Variants in PITPNA observed in about 807,000 individuals in gnomAD.
The protein encoded by PITPNA is phosphatidylinositol transfer protein alpha isoform.
Under a neutral mutation model 50.3 loss-of-function variants are expected in PITPNA, and 13 were observed. The observed-to-expected ratio is 0.26, with a 90% confidence interval of 0.17 to 0.41. The LOEUF is 0.41. PITPNA is among the 10% of genes least tolerant of loss of function. The pLI is 1.00. For missense variants in PITPNA, 207 were observed against 333.4 expected (o/e 0.62, Z 2.95); for synonymous variants, 120 against 119.6 (o/e 1.00, Z -0.02).
intron 1 of PITPNA, among the ~76,000 whole-genome samples, chr17:1,560,703 C>G (rs1335241799): frequency 6.6e-6 from 1 of 152,206 alleles, no homozygotes; most frequent in Non-Finnish European, 1.5e-5. Context: ...GCCTGTCAGT[C>G]TGGACACTGA....
intron 10 of PITPNA, among the ~76,000 whole-genome samples, chr17:1,531,081 C>T (rs1258597365): frequency 1.3e-5 from 2 of 152,144 alleles, no homozygotes; most frequent in South Asian, 2.1e-4. Flanking sequence ...CTCTCTGAAG[C>T]GCTGAGGGAA....
intron 10 of PITPNA, among the ~76,000 whole-genome samples, chr17:1,524,336 A>G (rs1007743300): frequency 1.3e-3 from 170 of 129,952 alleles, no homozygotes; most frequent in African/African-American, 2.5e-3. Flanking sequence ...GAGCCATCGC[A>G]CCTGGCCTTT....
chr17:1,556,502 A>G (rs2075735566), intron 2 of PITPNA, among the ~76,000 whole-genome samples: 1 of 152,200 alleles, frequency 6.6e-6, no homozygotes, highest in South Asian at 2.1e-4. Context: ...CCTTACTCCA[A>G]GAACAGCCCC....
chr17:1,521,240 G>C (rs1057225258), intron 11 of PITPNA, among the ~76,000 whole-genome samples: 1 of 152,218 alleles, frequency 6.6e-6, no homozygotes, highest in Non-Finnish European at 1.5e-5. Context: ...TGGCGCTGGC[G>C]TGGGAAGGCC....
At chr17:1,557,958 T>C (rs1419900546) in intron 2 of PITPNA, among the ~76,000 whole-genome samples, 1 of 152,106 alleles carries the variant, frequency 6.6e-6, no homozygotes, top group African/African-American at 2.4e-5. Flanking sequence ...CGGCCGGGTG[T>C]GGGGGCTCAC....
At chr17:1,549,261 C>A (rs993553017) in intron 3 of PITPNA, among the ~76,000 whole-genome samples, 2 of 149,034 alleles carry the variant, frequency 1.3e-5, no homozygotes, top group East Asian at 3.9e-4. Context: ...TATAAGCCCC[C>A]TGCTTTTTTT....
At chr17:1,522,426 G>A (rs2075520894) in intron 10 of PITPNA, among the ~76,000 whole-genome samples, 1 of 151,952 alleles carries the variant, frequency 6.6e-6, no homozygotes, top group Non-Finnish European at 1.5e-5. Flanking sequence ...AGGCTGGAGT[G>A]CAGTGGCGCA....
In PITPNA at chr17:1,520,161, T is replaced by C. The variant is rs2075501135; in HGVS notation, c.*400A>G. The C allele has an allele frequency of 1.3e-5, 2 of 152,146 alleles. No individual in the cohort carries two copies. The highest frequency in any genetic ancestry group is 2.9e-5 in the Non-Finnish European group (2 of 68,026). 9.4% of individuals were successfully genotyped at this position (152,146 alleles called of 1,614,324 possible). A position where few individuals can be genotyped will look rare whatever the true frequency, so the allele number is the denominator to read the frequency against. On this transcript the variant is annotated 3_prime_UTR_variant, in exon 12 of 12. Transcript: ENST00000313486. ...CAAAATACCTCAGTTTACCCCAAGG[T>C]TGAGAACAAATGAACTTAAATCATT...
At chr17:1,526,570 G>GCAAA (rs1467643268) in intron 10 of PITPNA, among the ~76,000 whole-genome samples, 2 of 152,188 alleles carry the variant, frequency 1.3e-5, no homozygotes, top group Non-Finnish European at 2.9e-5. Context: ...TATCATGGGA[G>GCAAA]CAAAGCTCCT....
chr17:1,527,925 C>T (rs923869991), intron 10 of PITPNA, among the ~76,000 whole-genome samples: 3 of 152,206 alleles, frequency 2.0e-5, no homozygotes, highest in African/African-American at 7.2e-5. Context: ...CCCACGCCTA[C>T]AATCCCAACA....
In PITPNA at chr17:1,553,022, TTG is replaced by T; in HGVS notation, c.177_178del (p.His59GlnfsTer42). On this transcript the variant is annotated frameshift_variant, in exon 3 of 12. Transcript: ENST00000313486. LOFTEE classifies it high-confidence loss of function. ...CGCATACCTCTGCAGGTGGTAGATC[TTG>T]TGTGTGTACTGGCCTTTCTCACCGT... The T allele has an allele frequency of 6.2e-7, 1 of 1,613,996 alleles. No individual in the cohort carries two copies. Among genetic ancestry groups the T allele is most frequent in the Non-Finnish European group, 8.5e-7 (1 of 1,179,886 alleles).
intron 7 of PITPNA, among the ~76,000 whole-genome samples, chr17:1,538,130 G>GGAAA (rs978808702): frequency 7.9e-5 from 12 of 152,162 alleles, no homozygotes; most frequent in African/African-American, 2.4e-4. Context: ...AGTGACCACA[G>GGAAA]GAAAGAGGTA....
intron 6 of PITPNA, among the ~76,000 whole-genome samples, chr17:1,540,108 A>G (rs2075640720): frequency 6.6e-6 from 1 of 152,250 alleles, no homozygotes; most frequent in South Asian, 2.1e-4. Flanking sequence ...TACGGTGCCC[A>G]CACCATTTCC....
At chr17:1,543,102 C>A in intron 4 of PITPNA, 75 bp from the exon 5 acceptor site, 1 of 1,195,426 alleles carries the variant, frequency 8.4e-7, no homozygotes, top group Non-Finnish European at 1.2e-6. Context: ...CCCCCCACCC[C>A]CCACAAGGAG....
rs2075502297 is a variant in PITPNA, at chr17:1,520,303, TG to T, written c.*257del. ...ACACAATGGAGAGAGACGGAGGCGC[TG>T]TAACTACAGCAACCTACACGCCACG... On this transcript the variant is annotated 3_prime_UTR_variant, in exon 12 of 12. Coordinates refer to ENST00000313486, the MANE Select transcript of PITPNA (RefSeq NM_006224.4). The T allele has an allele frequency of 6.6e-6, 1 of 152,014 alleles. No individual in the cohort carries two copies. The allele number at this position is 152,014 out of a possible 1,614,324, so 9.4% of individuals were successfully genotyped here. A position where few individuals can be genotyped will look rare whatever the true frequency, so the allele number is the denominator to read the frequency against.
Position 1,534,846 on chromosome 17 carries a change from C to T in PITPNA, c.645+336G>A, listed in dbSNP as rs77456084. 1.1e-3 allele frequency among the ~76,000 whole-genome samples: 167 copies of T among 152,314 alleles called. 2 individuals are homozygous for T. In the East Asian group the frequency reaches 0.028, roughly 26 times the overall value. ...TGTCCCTGGAAGGACAGCATTAAAC[C>T]GTAAGACATTTCAGTGCAAGGGAAG... On this transcript the variant is annotated intron_variant, in intron 9 of 11. Coordinates refer to ENST00000313486, the MANE Select transcript of PITPNA (RefSeq NM_006224.4).
intron 2 of PITPNA, among the ~76,000 whole-genome samples, chr17:1,556,387 C>G (rs1218513991): frequency 1.3e-5 from 2 of 152,190 alleles, no homozygotes; most frequent in Admixed American, 6.6e-5. Context: ...TGCAGAAAAA[C>G]CATCACAAGT....
At chr17:1,531,880 C>T (rs1470115454) in intron 10 of PITPNA, among the ~76,000 whole-genome samples, 2 of 151,894 alleles carry the variant, frequency 1.3e-5, no homozygotes, top group African/African-American at 4.8e-5. Context: ...CCACATCAAG[C>T]GTAGTCAGCA....
intron 6 of PITPNA, among the ~76,000 whole-genome samples, chr17:1,541,230 TG>T (rs2075646408): frequency 6.6e-6 from 1 of 152,178 alleles, no homozygotes. Context: ...GGCATGGAAA[TG>T]CTAAAGGATA....
Sources: allele counts gnomAD v4.1 joint callset (sites outside exome capture counted in the v4.1 genomes callset), GRCh38; gene constraint gnomAD v4.1.1; transcripts MANE v1.5; gene names NCBI Gene and HGNC (gene_info 2026-07-23, HGNC 2026-07-21).